Variants in SPATS2 observed in about 807,000 individuals in gnomAD.
SPATS2 encodes the protein spermatogenesis associated serine rich 2.
A neutral mutation model predicts 63.7 loss-of-function variants in SPATS2; 38 were observed. The observed-to-expected ratio is 0.60, with a 90% CI of 0.46 to 0.78. The LOEUF (loss-of-function observed/expected upper bound fraction) is 0.78. SPATS2 is among the 30% of genes least tolerant of loss of function. The pLI is 0.00. For missense variants in SPATS2, 588 were observed against 666.2 expected, an observed-to-expected ratio of 0.88 and a Z score of 1.29; for synonymous variants, 207 against 232.9, an observed-to-expected ratio of 0.89 and a Z score of 1.01.
chr12:49,398,936 C>T (rs1944559202), intron 2 of SPATS2, among the ~76,000 whole-genome samples: 1 of 152,144 alleles, frequency 6.6e-6, no homozygotes, highest in Non-Finnish European at 1.5e-5. Flanking sequence ...AACAGCCTGA[C>T]AATTTTGACT....
intron 2 of SPATS2, among the ~76,000 whole-genome samples, chr12:49,434,498 A>C (rs1592390919): frequency 2.0e-5 from 3 of 152,274 alleles, no homozygotes; most frequent in East Asian, 3.9e-4. Context: ...TCTCTTGCTC[A>C]TCTCCTTTTA....
chr12:49,470,612 C>G (rs1475056865), intron 3 of SPATS2, among the ~76,000 whole-genome samples: 1 of 152,168 alleles, frequency 6.6e-6, no homozygotes, highest in Non-Finnish European at 1.5e-5. Context: ...GCATTTGCTT[C>G]TCATGTACCT....
chr12:49,500,320 C>T (rs1413703265), intron 9 of SPATS2, 115 bp downstream of exon 9: 1 of 1,160,172 alleles, frequency 8.6e-7, no homozygotes, highest in African/African-American at 1.6e-5. Flanking sequence ...GTAGGAGAGA[C>T]TTATAAATCC....
At chr12:49,462,298 G>A (rs1326341571) in intron 3 of SPATS2, 4 of 702,274 alleles carry the variant, frequency 5.7e-6, no homozygotes, top group South Asian at 4.4e-5. Context: ...AGTGAACAAG[G>A]AAGGAACTGG....
At chr12:49,389,707 C>T (rs1048000367) in intron 2 of SPATS2, 3 of 1,549,390 alleles carry the variant, frequency 1.9e-6, no homozygotes, top group South Asian at 1.1e-5. Flanking sequence ...CCACGGTCCA[C>T]GTTAGTTATG....
rs886764407 is a variant in SPATS2, at chr12:49,375,528, A to G, written c.-244+4238A>G. Among the ~76,000 whole-genome samples, 9 of 152,286 alleles carry G rather than the reference A, an allele frequency of 5.9e-5. 1 individual carries two copies. Among genetic ancestry groups the G allele is most frequent in the African/African-American group, 1.7e-4 (7 of 41,554 alleles). Reference sequence around the variant, plus strand: ...GCCCACTGCTGGCTCTTCCTGGCCTACTGTTAAAAATGATTCAAAATGTAC... The same window carrying G: ...GCCCACTGCTGGCTCTTCCTGGCCTGCTGTTAAAAATGATTCAAAATGTAC... On this transcript the variant is annotated intron_variant, in intron 2 of 13. Transcript: ENST00000552918.
chr12:49,417,035 A>G (rs759085078), intron 2 of SPATS2, among the ~76,000 whole-genome samples: 8 of 152,200 alleles, frequency 5.3e-5, no homozygotes, highest in Admixed American at 2.0e-4. Flanking sequence ...CTTCTTTTAA[A>G]TGTTCAAGAA....
At chr12:49,438,659 C>T (rs77160412) in intron 2 of SPATS2, among the ~76,000 whole-genome samples, 2,299 of 152,072 alleles carry the variant, frequency 0.015, 57 homozygotes, top group African/African-American at 0.052. Context: ...TGCATCTTGC[C>T]GATGAGCAAT....
Position 49,522,790 on chromosome 12 carries a change from C to T in SPATS2, c.1048C>T (p.Arg350Ter), listed in dbSNP as rs772016994. 3.1e-6 allele frequency: 5 copies of T among 1,613,630 alleles called. No homozygotes were observed. The highest frequency in any genetic ancestry group is 2.2e-5 in the East Asian group (1 of 44,880). ...ACGTAAATATGATGAGGATCTGGGA[C>T]GAGTAGCCCGGTTCACCTGTGATGT... Reference protein sequence around the residue: ...SERKYDEDLGRVARFTCDVET... With the variant: ...SERKYDEDLG The change falls in exon 12 of 14, where the codon CGA (arginine) becomes TGA (stop). Residue 350 changes from arginine to a stop codon, truncating the protein, a stop_gained. Coordinates refer to ENST00000552918, the MANE Select transcript of SPATS2 (RefSeq NM_023071.4). LOFTEE classifies it high-confidence loss of function.
At chr12:49,489,605 A>C in intron 5 of SPATS2, 32 bp downstream of exon 5, 1 of 1,564,558 alleles carries the variant, frequency 6.4e-7, no homozygotes, top group East Asian at 2.3e-5. Context: ...AAATAAATTT[A>C]TATTTGCTCA....
chr12:49,526,301 T>G lies in SPATS2; in HGVS notation c.*46T>G. On this transcript the variant is annotated 3_prime_UTR_variant, in exon 14 of 14. Transcript: ENST00000552918. ...TCTCCTCTATCCACACAATTCAACT[T>G]GATAACTGGACTTTAGGAAACTTAC... is the stretch of plus-strand genomic sequence containing the variant. 1 of 1,533,980 alleles carries G rather than the reference T, an allele frequency of 6.5e-7. No individual in the cohort carries two copies. The highest frequency in any genetic ancestry group is 8.7e-7 in the Non-Finnish European group (1 of 1,143,096).
rs1034084712 is a variant in SPATS2, at chr12:49,406,097, A to G, written c.-244+34807A>G. Among the ~76,000 whole-genome samples, 14 of 151,842 alleles carry G rather than the reference A, an allele frequency of 9.2e-5. No individual in the cohort carries two copies. In the East Asian group the frequency reaches 2.7e-3, roughly 30 times the overall value. ...TGGCCAACATGGTGAAACCCTGTCT[A>G]TACTAAAAATACAAAAATTAGCTAG... On this transcript the variant is annotated intron_variant, in intron 2 of 13. Transcript: ENST00000552918.
chr12:49,522,794 T>A lies in SPATS2; in HGVS notation c.1052T>A (p.Val351Glu), dbSNP rs1210416843. The A allele has an allele frequency of 6.2e-7, 1 of 1,613,852 alleles. No homozygotes were observed. Among genetic ancestry groups the A allele is most frequent in the Non-Finnish European group, 8.5e-7 (1 of 1,179,828 alleles). The change falls in exon 12 of 14, where the codon GTA (valine) becomes GAA (glutamate). Residue 351 changes from valine (V) to glutamate (E), a missense_variant. By Grantham distance (121) the Val-to-Glu change is moderately radical. Coordinates refer to ENST00000552918, the MANE Select transcript of SPATS2 (RefSeq NM_023071.4). The part of the protein sequence containing the change: ...ERKYDEDLGR[V>E]ARFTCDVETL... ...AAATATGATGAGGATCTGGGACGAG[T>A]AGCCCGGTTCACCTGTGATGTAGAG...
chr12:49,524,569 C>T (rs571113722), intron 12 of SPATS2, 113 bp from the exon 13 acceptor site: 3 of 1,123,502 alleles, frequency 2.7e-6, no homozygotes, highest in East Asian at 2.4e-5. Flanking sequence ...TTTCTTTATT[C>T]GAATAGACAG....
At chr12:49,514,719 T>G in intron 10 of SPATS2, 106 bp downstream of exon 10, 1 of 973,924 alleles carries the variant, frequency 1.0e-6, no homozygotes, top group Non-Finnish European at 1.5e-6. Flanking sequence ...AATAAGAGTT[T>G]ATATATTTAA....
intron 2 of SPATS2, among the ~76,000 whole-genome samples, chr12:49,405,926 T>C (rs761277618): frequency 4.6e-5 from 7 of 152,166 alleles, no homozygotes; most frequent in Non-Finnish European, 8.8e-5. Flanking sequence ...CCATTTTAAA[T>C]AACAATACTT....
chr12:49,498,141 AAAAAATATAT>A (rs1946496566), intron 8 of SPATS2, among the ~76,000 whole-genome samples: 1 of 74,322 alleles, frequency 1.3e-5, no homozygotes, highest in East Asian at 2.6e-4. Flanking sequence ...CCAAAAAAAA[AAAAAATATAT>A]ATATATATAT....
At chr12:49,510,680 A>G (rs1052343871) in intron 9 of SPATS2, among the ~76,000 whole-genome samples, 6 of 152,198 alleles carry the variant, frequency 3.9e-5, no homozygotes, top group African/African-American at 1.4e-4. Context: ...GACCTGTGGA[A>G]TTGTCAAGAG....
chr12:49,490,911 G>A lies in SPATS2; in HGVS notation c.264+180G>A, dbSNP rs1219395128. ...AATCCCAGCACTTTAGGAGGCCAAG[G>A]CAGGTGGATCACTTGAGGTCAGTGG... On this transcript the variant is annotated intron_variant, in intron 6 of 13. Coordinates refer to ENST00000552918, the MANE Select transcript of SPATS2 (RefSeq NM_023071.4). 4 of 553,362 alleles carry A rather than the reference G, an allele frequency of 7.2e-6. No individual in the cohort carries two copies. In the South Asian group the frequency reaches 8.7e-5, roughly 12 times the overall value. 34.3% of individuals were successfully genotyped at this position (553,362 alleles called of 1,614,324 possible). A position where few individuals can be genotyped will look rare whatever the true frequency, so the allele number is the denominator to read the frequency against.
Sources: gnomAD v4.1 joint callset for allele counts (sites outside exome capture counted in the v4.1 genomes callset) on GRCh38, gnomAD v4.1.1 for gene constraint, MANE v1.5 for transcripts, NCBI Gene and HGNC (gene_info 2026-07-23, HGNC 2026-07-21) for gene names.